Variants in XKR6 observed in about 807,000 individuals in gnomAD.
XKR6 encodes the protein XK related 6.
In XKR6, 22 loss-of-function variants were observed where a neutral mutation model predicts 56.7. That is an observed-to-expected ratio of 0.39 (90% CI 0.28 to 0.55). The LOEUF is 0.55. Ranked by LOEUF, XKR6 falls within the 20% of genes least tolerant of loss-of-function variation. The pLI is 0.66. For synonymous variants in XKR6, 524 were observed against 387.8 expected, an observed-to-expected ratio of 1.35 and a Z score of -4.13; for missense variants, 852 against 889.0, an observed-to-expected ratio of 0.96 and a Z score of 0.53.
At chr8:10,975,916 T>C (rs1265976028) in intron 1 of XKR6, among the ~76,000 whole-genome samples, 1 of 152,200 alleles carries the variant, frequency 6.6e-6, no homozygotes, top group Non-Finnish European at 1.5e-5. Context: ...GGCTCACGCC[T>C]GTAATCCCAG....
intron 1 of XKR6, among the ~76,000 whole-genome samples, chr8:11,047,484 G>A (rs1002892942): frequency 6.6e-6 from 1 of 152,132 alleles, no homozygotes; most frequent in African/African-American, 2.4e-5. Context: ...TTTCAAATAT[G>A]TCATTGGCCC....
At position 11,201,813 on chromosome 8, in the gene XKR6, C is replaced by T. The variant is rs888479648; in HGVS notation, c.-474G>A. On this transcript the variant is annotated 5_prime_UTR_variant, in exon 1 of 3. Coordinates refer to ENST00000416569, the MANE Select transcript of XKR6 (RefSeq NM_173683.4). ...CAGCGTCGCAGCTCACAGCTTTCCT[C>T]CTGGAGAAACGCCCCCTAACACCCT... is the stretch of plus-strand genomic sequence containing the variant. 6.6e-6 allele frequency among the ~76,000 whole-genome samples: 1 copy of T among 152,172 alleles called. No homozygotes were observed. The highest frequency in any genetic ancestry group is 1.5e-5 in the Non-Finnish European group (1 of 68,026).
chr8:10,959,178 G>A (rs1801986196), intron 1 of XKR6, among the ~76,000 whole-genome samples: 1 of 152,108 alleles, frequency 6.6e-6, no homozygotes, highest in Non-Finnish European at 1.5e-5. Flanking sequence ...AACTTCTCCT[G>A]GTCACCGGAT....
In XKR6 at chr8:10,896,170, C is replaced by T. The variant is rs1347806423; in HGVS notation, c.*1782G>A. On this transcript the variant is annotated 3_prime_UTR_variant, in exon 3 of 3. Coordinates refer to ENST00000416569, the MANE Select transcript of XKR6 (RefSeq NM_173683.4). ...TTTTTTTTGTGCCCAAGTAGAGATA[C>T]GATGCGATTGAAACGATGCCCTAGA... 6.8e-6 allele frequency: 1 copy of T among 146,496 alleles called. No individual in the cohort carries two copies. The highest frequency in any genetic ancestry group is 2.0e-4 in the East Asian group (1 of 5,058). The allele number at this position is 146,496 out of a possible 1,614,324, so 9.1% of individuals were successfully genotyped here. A position where few individuals can be genotyped will look rare whatever the true frequency, so the allele number is the denominator to read the frequency against.
intron 1 of XKR6, among the ~76,000 whole-genome samples, chr8:11,078,060 G>A (rs138928392): frequency 1.2e-4 from 18 of 152,310 alleles, no homozygotes; most frequent in African/African-American, 4.3e-4. Flanking sequence ...TCCGACAGTG[G>A]CGCTGTTAAA....
rs1185509364 is a variant in XKR6 at position 11,194,837 on chromosome 8, A to G, written c.764+5739T>C. 1.3e-5 allele frequency: 5 copies of G among 387,862 alleles called. No homozygotes were observed. The South Asian group carries it at 1.9e-4, about 15-fold the overall frequency. 24.0% of individuals were successfully genotyped at this position (387,862 alleles called of 1,614,324 possible). The stretch of plus-strand genomic sequence containing the variant: ...AAGCACCTGCCTGCTAGATTTCAGG[A>G]GCACCAGCCTTCTTACAATACAGAT... On this transcript the variant is annotated intron_variant, in intron 1 of 2. Coordinates refer to ENST00000416569, the MANE Select transcript of XKR6 (RefSeq NM_173683.4).
chr8:11,137,945 A>G, intron 1 of XKR6: 1 of 350,700 alleles, frequency 2.9e-6, no homozygotes. Context: ...TGATCACAGT[A>G]AACCCACCAG....
chr8:11,166,106 G>A (rs1482203891), intron 1 of XKR6, among the ~76,000 whole-genome samples: 1 of 151,850 alleles, frequency 6.6e-6, no homozygotes, highest in Non-Finnish European at 1.5e-5. Context: ...ACAGGCGCAT[G>A]CCACCATGCC....
At chr8:11,086,888 G>T (rs1162731298) in intron 1 of XKR6, among the ~76,000 whole-genome samples, 1 of 152,216 alleles carries the variant, frequency 6.6e-6, no homozygotes, top group Non-Finnish European at 1.5e-5. Context: ...GAACAGAGGC[G>T]TCGGAGGTCA....
intron 2 of XKR6, among the ~76,000 whole-genome samples, chr8:10,922,272 A>G (rs538525630): frequency 6.6e-6 from 1 of 152,248 alleles, no homozygotes; most frequent in South Asian, 2.1e-4. Context: ...TGGGAGAGAA[A>G]GGTGTCCCTC....
intron 1 of XKR6, among the ~76,000 whole-genome samples, chr8:11,173,581 T>C (rs147320058): frequency 6.6e-6 from 1 of 151,978 alleles, no homozygotes; most frequent in Non-Finnish European, 1.5e-5. Flanking sequence ...GGTTTCCACA[T>C]CTGTAAGATG....
At chr8:10,945,326 C>T (rs1373450945) in intron 1 of XKR6, among the ~76,000 whole-genome samples, 1 of 152,100 alleles carries the variant, frequency 6.6e-6, no homozygotes, top group African/African-American at 2.4e-5. Flanking sequence ...TCTACTAAAA[C>T]TACAAAAATT....
At chr8:11,116,999 A>AC in intron 1 of XKR6, among the ~76,000 whole-genome samples, 1 of 152,294 alleles carries the variant, frequency 6.6e-6, no homozygotes, top group African/African-American at 2.4e-5. Context: ...TCCATCCACC[A>AC]CTTCAGTAAT....
intron 2 of XKR6, among the ~76,000 whole-genome samples, chr8:10,906,354 C>T (rs928151080): frequency 6.6e-6 from 1 of 152,184 alleles, no homozygotes; most frequent in African/African-American, 2.4e-5. Flanking sequence ...ATTAGAAGGG[C>T]CTGTCTCCAA....
At chr8:11,118,116 T>G (rs558283035) in intron 1 of XKR6, among the ~76,000 whole-genome samples, 18 of 152,220 alleles carry the variant, frequency 1.2e-4, no homozygotes, top group African/African-American at 3.9e-4. Context: ...TTATTTCTTC[T>G]CACACGTAAG....
intron 1 of XKR6, chr8:11,002,398 T>A (rs761115222): frequency 2.3e-5 from 9 of 385,030 alleles, no homozygotes; most frequent in South Asian, 1.9e-4. Context: ...CCAGCAGTTC[T>A]GTTGGCCTGG....
chr8:11,014,799 T>A (rs1035473509), intron 1 of XKR6, among the ~76,000 whole-genome samples: 1 of 152,116 alleles, frequency 6.6e-6, no homozygotes, highest in Admixed American at 6.5e-5. Flanking sequence ...TCCCGCAACA[T>A]ACCCATGTAA....
chr8:10,997,961 G>C (rs1563336259), intron 1 of XKR6, among the ~76,000 whole-genome samples: 1 of 152,072 alleles, frequency 6.6e-6, no homozygotes, highest in African/African-American at 2.4e-5. Flanking sequence ...AGCTGAAGAG[G>C]AATTTACAAA....
chr8:11,007,440 AAAAG>A (rs1798395146), intron 1 of XKR6, among the ~76,000 whole-genome samples: 1 of 152,194 alleles, frequency 6.6e-6, no homozygotes, highest in African/African-American at 2.4e-5. Context: ...TCTGATGCCT[AAAAG>A]CCAAAATCAT....
Sources: allele counts gnomAD v4.1 joint callset (sites outside exome capture counted in the v4.1 genomes callset), GRCh38; gene constraint gnomAD v4.1.1; transcripts MANE v1.5; gene names NCBI Gene and HGNC (gene_info 2026-07-23, HGNC 2026-07-21).